ATE1: variants seen among roughly 807,000 people sequenced by gnomAD.
ATE1 encodes arginyltransferase 1, also known as arginyl-tRNA--protein transferase 1.
A neutral mutation model predicts 70.5 loss-of-function variants in ATE1; 36 were observed. The ratio of observed to expected loss-of-function variants is 0.51; its 90% CI spans 0.39 to 0.67. ATE1 has a LOEUF of 0.67. ATE1 is among the 30% of genes least tolerant of loss of function. ATE1 has a pLI of 0.00. For missense variants in ATE1, 593 were observed against 629.5 expected (o/e 0.94, Z 0.62); for synonymous variants, 232 against 219.3 (o/e 1.06, Z -0.51).
chr10:121,776,753 C>T (rs904281864), intron 11 of ATE1, among the ~76,000 whole-genome samples: 1 of 152,212 alleles, frequency 6.6e-6, no homozygotes, highest in Admixed American at 6.5e-5. Flanking sequence ...CGCGTGTGCA[C>T]AGATACATGA....
rs183801502 is a variant in ATE1 at position 121,756,807 on chromosome 10, T to A, written c.1379-12949A>T. On this transcript the variant is annotated intron_variant, in intron 11 of 11. Coordinates refer to ENST00000224652, the MANE Select transcript of ATE1 (RefSeq NM_001001976.3). ...TGGGCCCAGCCCATAAAACCACTTT[T>A]TCCTCCTAGGTCTCCAGGCCTGTGA... Among the ~76,000 whole-genome samples the A allele has an allele frequency of 8.3e-4, 126 of 152,268 alleles. No homozygotes were observed. In the East Asian group the frequency reaches 0.024, roughly 29 times the overall value.
intron 7 of ATE1, among the ~76,000 whole-genome samples, chr10:121,870,999 TCCTC>T (rs1255542796): frequency 5.3e-5 from 8 of 152,130 alleles, no homozygotes; most frequent in South Asian, 2.1e-4. Context: ...CTCATGAACT[TCCTC>T]CCCACAACAA....
chr10:121,791,924 C>T (rs1015529173), intron 10 of ATE1, among the ~76,000 whole-genome samples: 4 of 152,132 alleles, frequency 2.6e-5, no homozygotes, highest in Admixed American at 6.5e-5. Context: ...TTCTGTTCGA[C>T]GGAAAGGCTC....
At chr10:121,831,054 A>T (rs1261754803) in intron 10 of ATE1, among the ~76,000 whole-genome samples, 1 of 152,182 alleles carries the variant, frequency 6.6e-6, no homozygotes, top group Non-Finnish European at 1.5e-5. Flanking sequence ...ATCACAAGTT[A>T]TTCTTAATAC....
intron 11 of ATE1, among the ~76,000 whole-genome samples, chr10:121,747,117 T>A (rs1186262151): frequency 2.0e-5 from 3 of 152,142 alleles, no homozygotes; most frequent in African/African-American, 7.2e-5. Flanking sequence ...CATGGAGGGA[T>A]GAGGAGAAAG....
chr10:121,905,238 G>A (rs1422437117), intron 5 of ATE1, among the ~76,000 whole-genome samples: 1 of 152,068 alleles, frequency 6.6e-6, no homozygotes, highest in Non-Finnish European at 1.5e-5. Flanking sequence ...TTCAATTAGG[G>A]TTAACTATTA....
intron 10 of ATE1, among the ~76,000 whole-genome samples, chr10:121,821,147 T>C (rs1339547181): frequency 6.6e-6 from 1 of 152,146 alleles, no homozygotes; most frequent in African/African-American, 2.4e-5. Flanking sequence ...GGTTTCACCA[T>C]GTTAGCCAGG....
At position 121,907,664 on chromosome 10, in the gene ATE1, G is replaced by T. The variant is rs374536994; in HGVS notation, c.583+3242C>A. 3.6e-4 allele frequency among the ~76,000 whole-genome samples: 54 copies of T among 151,982 alleles called. 2 individuals carry two copies. In the South Asian group the frequency reaches 0.01, roughly 29 times the overall value. On this transcript the variant is annotated intron_variant, in intron 5 of 11. Coordinates refer to ENST00000224652, the MANE Select transcript of ATE1 (RefSeq NM_001001976.3). ...GGCGCCTGTAGTCCCAGCTACTAGG[G>T]AGACTGAGTCAGGAGAATGGCGTGA...
intron 11 of ATE1, among the ~76,000 whole-genome samples, chr10:121,775,881 T>C (rs1945716992): frequency 6.6e-6 from 1 of 152,238 alleles, no homozygotes; most frequent in Non-Finnish European, 1.5e-5. Context: ...TGCTATGAGA[T>C]GTCTAGTTAG....
chr10:121,899,217 A>G (rs975879485), intron 7 of ATE1, among the ~76,000 whole-genome samples: 2 of 152,090 alleles, frequency 1.3e-5, no homozygotes, highest in African/African-American at 4.8e-5. Context: ...CTCTCCACTA[A>G]TTGTAGTTTT....
intron 5 of ATE1, among the ~76,000 whole-genome samples, chr10:121,903,841 A>G (rs1483807782): frequency 1.2e-4 from 19 of 152,180 alleles, no homozygotes; most frequent in Non-Finnish European, 2.8e-4. Flanking sequence ...TTAAAATAAA[A>G]AAATTTTTAC....
intron 10 of ATE1, among the ~76,000 whole-genome samples, chr10:121,821,364 C>G (rs1334533662): frequency 6.6e-6 from 1 of 152,108 alleles, no homozygotes; most frequent in African/African-American, 2.4e-5. Flanking sequence ...TTCTGCTCAT[C>G]AAAAGATACC....
At chr10:121,791,751 A>T (rs973965303) in intron 10 of ATE1, among the ~76,000 whole-genome samples, 5 of 152,218 alleles carry the variant, frequency 3.3e-5, no homozygotes, top group African/African-American at 1.2e-4. Flanking sequence ...TACAATGCTT[A>T]CCGATGTTAT....
At chr10:121,922,101 T>C (rs1423081649) in intron 3 of ATE1, among the ~76,000 whole-genome samples, 1 of 152,178 alleles carries the variant, frequency 6.6e-6, no homozygotes, top group African/African-American at 2.4e-5. Context: ...ATTGACAAGA[T>C]TGCTAAATTA....
chr10:121,918,690 G>A (rs1951756887), intron 3 of ATE1, among the ~76,000 whole-genome samples: 1 of 151,850 alleles, frequency 6.6e-6, no homozygotes, highest in African/African-American at 2.4e-5. Flanking sequence ...AACTGAAAGA[G>A]GACAGCACAG....
intron 11 of ATE1, among the ~76,000 whole-genome samples, chr10:121,784,270 C>G (rs1946116990): frequency 6.6e-6 from 1 of 152,112 alleles, no homozygotes; most frequent in Non-Finnish European, 1.5e-5. Flanking sequence ...TTTAAAATTT[C>G]TCTGCAAGAC....
In ATE1 at chr10:121,904,262, G is replaced by A. The variant is rs376685449; in HGVS notation, c.584-1642C>T. On this transcript the variant is annotated intron_variant, in intron 5 of 11. Coordinates refer to ENST00000224652, the MANE Select transcript of ATE1 (RefSeq NM_001001976.3). ...CTCCCAAAGTGCTAGGATTACGGGC[G>A]TGAGCCACCGCACCTGGCCGAATTT... 2.6e-5 allele frequency among the ~76,000 whole-genome samples: 4 copies of A among 151,844 alleles called. No individual in the cohort carries two copies. The East Asian group carries it at 5.9e-4, about 22-fold the overall frequency.
intron 8 of ATE1, among the ~76,000 whole-genome samples, chr10:121,865,002 T>C (rs1205766941): frequency 6.6e-6 from 1 of 152,212 alleles, no homozygotes; most frequent in Non-Finnish European, 1.5e-5. Context: ...AAATACTCCC[T>C]AACTAATCAC....
chr10:121,784,876 C>T (rs1448629870), intron 11 of ATE1, among the ~76,000 whole-genome samples: 20 of 151,826 alleles, frequency 1.3e-4, no homozygotes, highest in East Asian at 3.9e-4. Context: ...GAAAAAAAAT[C>T]GTAATAATAC....
Sources: allele counts gnomAD v4.1 joint callset (sites outside exome capture counted in the v4.1 genomes callset), GRCh38; gene constraint gnomAD v4.1.1; transcripts MANE v1.5; gene names NCBI Gene and HGNC (gene_info 2026-07-23, HGNC 2026-07-21).